The following PPA1 variants were observed in gnomAD, a reference collection of about 807,000 sequenced individuals.
PPA1 encodes inorganic pyrophosphatase 1, also known as inorganic pyrophosphatase.
PPA1 carries 23 observed loss-of-function variants against 41.8 expected under a neutral mutation model. The observed-to-expected ratio is 0.55, with a 90% CI of 0.40 to 0.78. PPA1 has a LOEUF of 0.78. Among genes scored for constraint, PPA1 ranks in the 30% least tolerant of loss-of-function variants. PPA1 has a pLI of 0.00. For missense variants in PPA1, 320 were observed against 361.6 expected, an observed-to-expected ratio of 0.89 and a Z score of 0.93; for synonymous variants, 101 against 116.8, an observed-to-expected ratio of 0.86 and a Z score of 0.87.
intron 2 of PPA1, among the ~76,000 whole-genome samples, chr10:70,221,942 T>C (rs1217464973): frequency 2.0e-5 from 3 of 151,978 alleles, no homozygotes; most frequent in African/African-American, 4.8e-5. Context: ...ACATAATTAA[T>C]GGGAAGGAAA....
intron 6 of PPA1, among the ~76,000 whole-genome samples, chr10:70,212,413 G>A (rs544576185): frequency 6.6e-6 from 1 of 152,252 alleles, no homozygotes; most frequent in South Asian, 2.1e-4. Context: ...GCATTACACA[G>A]CCAAAACAAC....
intron 1 of PPA1, among the ~76,000 whole-genome samples, chr10:70,231,120 C>G (rs1589900359): frequency 6.6e-6 from 1 of 152,162 alleles, no homozygotes; most frequent in African/African-American, 2.4e-5. Flanking sequence ...AATCAAGTTG[C>G]AACAAACATC....
chr10:70,220,609 A>AT (rs71187037), intron 2 of PPA1, among the ~76,000 whole-genome samples: 148 of 8,932 alleles, frequency 0.017, 56 homozygotes, highest in Non-Finnish European at 0.027. Flanking sequence ...ATTTATATAT[A>AT]TATTATATAT....
At chr10:70,213,898 C>T (rs1840049215) in intron 5 of PPA1, among the ~76,000 whole-genome samples, 1 of 152,124 alleles carries the variant, frequency 6.6e-6, no homozygotes, top group Non-Finnish European at 1.5e-5. Context: ...GTCTCAAATA[C>T]GTATCTTAAT....
At position 70,217,810 on chromosome 10, in the gene PPA1, A is replaced by G; in HGVS notation, c.297+2T>C. On this transcript the variant is annotated splice_donor_variant, in intron 4 of 10. Coordinates refer to ENST00000373232, the MANE Select transcript of PPA1 (RefSeq NM_021129.4). LOFTEE classifies it high-confidence loss of function. ...ATTGTCAGCAGTTGCATGAAGACAT[A>G]CCTGAGGGATGGCACCATAGTTCCA... is the stretch of plus-strand genomic sequence containing the variant. 6.4e-7 allele frequency: 1 copy of G among 1,557,686 alleles called. No homozygotes were observed.
intron 2 of PPA1, 39 bp downstream of exon 2, chr10:70,230,301 CT>C (rs1328799315): frequency 1.2e-6 from 2 of 1,601,026 alleles, no homozygotes; most frequent in African/African-American, 2.7e-5. Context: ...ACTAGCTGAT[CT>C]GAGTAAAGAG....
intron 2 of PPA1, among the ~76,000 whole-genome samples, chr10:70,223,704 TA>T (rs1343234434): frequency 1.3e-5 from 2 of 152,266 alleles, no homozygotes; most frequent in Non-Finnish European, 2.9e-5. Flanking sequence ...AGAGTTGCTA[TA>T]AAAACTATTA....
chr10:70,207,415 T>C (rs1024830392), intron 8 of PPA1, among the ~76,000 whole-genome samples: 1 of 152,088 alleles, frequency 6.6e-6, no homozygotes, highest in African/African-American at 2.4e-5. Flanking sequence ...ATCTGTAGTC[T>C]AAGCACTTTT....
Position 70,209,188 on chromosome 10 carries a change from A to G in PPA1, c.725+17T>C. ...GGTCTGCTTTGTGTGTTAAACATGC[A>G]AAGTGTTTACACTTACCAACTGATT... On this transcript the variant is annotated intron_variant, in intron 8 of 10. Transcript: ENST00000373232. 1 of 1,539,398 alleles carries G rather than the reference A, an allele frequency of 6.5e-7. No individual in the cohort carries two copies. The highest frequency in any genetic ancestry group is 9.0e-7 in the Non-Finnish European group (1 of 1,114,440).
chr10:70,227,458 T>A (rs1225783560), intron 2 of PPA1, among the ~76,000 whole-genome samples: 1 of 152,126 alleles, frequency 6.6e-6, no homozygotes, highest in Non-Finnish European at 1.5e-5. Flanking sequence ...GAGACCAGCC[T>A]GGGCAACATA....
chr10:70,214,787 A>G (rs1840060719), intron 4 of PPA1, among the ~76,000 whole-genome samples: 1 of 152,176 alleles, frequency 6.6e-6, no homozygotes, highest in African/African-American at 2.4e-5. Flanking sequence ...ATGCTAAACT[A>G]AATTTAAGCT....
chr10:70,205,041 T>C (rs1839922057), intron 9 of PPA1, 126 bp from the exon 10 acceptor site: 3 of 670,400 alleles, frequency 4.5e-6, no homozygotes, highest in Non-Finnish European at 7.6e-6. Context: ...ACGTAATTTA[T>C]AATATATAGG....
chr10:70,205,465 CAT>C, intron 9 of PPA1: 1 of 151,916 alleles, frequency 6.6e-6, no homozygotes. Context: ...CTGATTTATG[CAT>C]ATATAACAAT....
chr10:70,203,137 T>C lies in PPA1; in HGVS notation c.*18A>G, dbSNP rs1225117853. The C allele has an allele frequency of 6.2e-7, 1 of 1,601,552 alleles. No individual in the cohort carries two copies. The highest frequency in any genetic ancestry group is 2.2e-5 in the East Asian group (1 of 44,732). On this transcript the variant is annotated 3_prime_UTR_variant, in exon 11 of 11. Transcript: ENST00000373232. ...AACACGATGTAGCAATATCAGCTTG[T>C]ATTCCAGAGAAATCTCATTAGTTTT...
In PPA1 at chr10:70,217,386, T is replaced by A. The variant is rs144284800; in HGVS notation, c.297+426A>T. The stretch of plus-strand genomic sequence containing the variant: ...ATAGCTCAGGGAGGCGATATGGACG[T>A]CTCAAGGAGAAAGAAAGGGAGGCAA... On this transcript the variant is annotated intron_variant, in intron 4 of 10. Coordinates refer to ENST00000373232, the MANE Select transcript of PPA1 (RefSeq NM_021129.4). 3.7e-3 allele frequency among the ~76,000 whole-genome samples: 566 copies of A among 152,166 alleles called. 7 individuals are homozygous for A. The highest frequency in any genetic ancestry group is 0.013 in the African/African-American group (544 of 41,514).
chr10:70,220,881 T>TTA (rs1840146852), intron 2 of PPA1, among the ~76,000 whole-genome samples: 1 of 14,246 alleles, frequency 7.0e-5, no homozygotes, highest in African/African-American at 3.1e-4. Context: ...AATATATACT[T>TTA]TATATATACT....
chr10:70,205,001 C>A, intron 9 of PPA1, 86 bp from the exon 10 acceptor site: 1 of 1,027,920 alleles, frequency 9.7e-7, no homozygotes, highest in South Asian at 1.5e-5. Flanking sequence ...TTAAGAGAAT[C>A]TGAAGACTAT....
chr10:70,213,459 T>C lies in PPA1; in HGVS notation c.511+4A>G, dbSNP rs780571499. 2.5e-6 allele frequency: 4 copies of C among 1,613,766 alleles called. No individual in the cohort carries two copies. Among genetic ancestry groups the C allele is most frequent in the Non-Finnish European group, 3.4e-6 (4 of 1,179,782 alleles). ...AAGACTTCAGACTTTTCAAATTTTC[T>C]TACCATTATAATTGGCTGCATCAGG... is the stretch of plus-strand genomic sequence containing the variant. On this transcript the variant is annotated splice_donor_region_variant and intron_variant, in intron 6 of 10. Coordinates refer to ENST00000373232, the MANE Select transcript of PPA1 (RefSeq NM_021129.4).
At position 70,233,251 on chromosome 10, in the gene PPA1, C is replaced by G; in HGVS notation, c.64+13G>C. ...GGACGGGCGCGGAGGGGCCACGGGC[C>G]GCAGACACTCACTGAGGAAGACTCG... is the stretch of plus-strand genomic sequence containing the variant. On this transcript the variant is annotated intron_variant, in intron 1 of 10. Coordinates refer to ENST00000373232, the MANE Select transcript of PPA1 (RefSeq NM_021129.4). 3 of 1,535,822 alleles carry G rather than the reference C, an allele frequency of 2.0e-6. No homozygotes were observed. The highest frequency in any genetic ancestry group is 1.9e-4 in the Middle Eastern group (1 of 5,352).
Sources: allele counts gnomAD v4.1 joint callset (sites outside exome capture counted in the v4.1 genomes callset), GRCh38; gene constraint gnomAD v4.1.1; transcripts MANE v1.5; gene names NCBI Gene and HGNC (gene_info 2026-07-23, HGNC 2026-07-21).